CYP24A1: variants seen among roughly 807,000 people sequenced by gnomAD.
CYP24A1 encodes cytochrome P450 family 24 subfamily A member 1, also known as 1,25-dihydroxyvitamin D(3) 24-hydroxylase, mitochondrial.
CYP24A1 carries 68 observed loss-of-function variants against 62.4 expected under a neutral mutation model. The ratio of observed to expected loss-of-function variants is 1.09; its 90% CI spans 0.90 to 1.33. The LOEUF (loss-of-function observed/expected upper bound fraction) is 1.33. Ranked by LOEUF, CYP24A1 falls within the 40% of genes most tolerant of loss-of-function variation. The pLI is 0.00. For synonymous variants in CYP24A1, 267 were observed against 253.0 expected (o/e 1.06, Z -0.52); for missense variants, 787 against 653.0 (o/e 1.21, Z -2.24).
Position 54,172,949 on chromosome 20 carries a change from A to T in CYP24A1, c.409T>A (p.Tyr137Asn). ...QRLEIKPWKA[Y>N]RDYRKEGYGL... ...TAGCCTTCTTTGCGGTAGTCGCGAT[A>T]GGCCTTCCACGGTTTGATCTCCAGC... Residue 137 changes from tyrosine (Y) to asparagine (N), a missense_variant, in exon 2 of 12, where the codon TAT becomes AAT. By Grantham distance (143) the Tyr-to-Asn change is moderately radical (BLOSUM62 -2). Transcript: ENST00000216862. 1 of 1,613,674 alleles carries T rather than the reference A, an allele frequency of 6.2e-7. No homozygotes were observed. Among genetic ancestry groups the T allele is most frequent in the East Asian group, 2.2e-5 (1 of 44,872 alleles).
rs2092700664 is a variant in CYP24A1 at position 54,173,177 on chromosome 20, C to G, written c.259-78G>C. ...GAAGCGCTTTCCCTCCTCCCGCCTC[C>G]TTCCTCCTAGGGGACCGGGGACCCT... On this transcript the variant is annotated intron_variant, in intron 1 of 11. Transcript: ENST00000216862. This position sits in a 1 kb window ranked among gnomAD's most constrained non-coding sequence, Gnocchi z 7.2. 35 of 1,559,990 alleles carry G rather than the reference C, an allele frequency of 2.2e-5. 2 individuals are homozygous for G. The highest frequency in any genetic ancestry group is 3.8e-4 in the Middle Eastern group (2 of 5,226).
Position 54,173,657 on chromosome 20 carries a change from C to A in CYP24A1, c.-78G>T. ...GTTGGTACGAGGTGCTAGTGGGAGT[C>A]GGGGCTTAACGATTCTGGGAAAAGG... On this transcript the variant is annotated 5_prime_UTR_variant, in exon 1 of 12. Coordinates refer to ENST00000216862, the MANE Select transcript of CYP24A1 (RefSeq NM_000782.5). This position sits in a 1 kb window ranked among gnomAD's most constrained non-coding sequence, Gnocchi z 7.2. 1.1e-6 allele frequency: 1 copy of A among 945,310 alleles called. No homozygotes were observed. The highest frequency in any genetic ancestry group is 1.6e-6 in the Non-Finnish European group (1 of 626,338). The allele number at this position is 945,310 out of a possible 1,614,324, so 58.6% of individuals were successfully genotyped here.
chr20:54,170,438 T>C (rs1226316676), intron 3 of CYP24A1, among the ~76,000 whole-genome samples: 1 of 152,152 alleles, frequency 6.6e-6, no homozygotes, highest in Non-Finnish European at 1.5e-5. Context: ...CACACAGAGC[T>C]GATAAGTTGC....
At chr20:54,147,390 T>G in the CYP24A1 span, among the ~76,000 whole-genome samples, 41 of 152,168 alleles carry the variant, frequency 2.7e-4, no homozygotes, top group Non-Finnish European at 5.0e-4. Context: ...AAAATAGACG[T>G]TGAAAATGAG....
At chr20:54,144,326 T>A in the CYP24A1 span, among the ~76,000 whole-genome samples, 13,806 of 151,932 alleles carry the variant, frequency 0.091, 916 homozygotes, top group East Asian at 0.28. Context: ...CACAGCTCAC[T>A]GTAGCCTCAA....
rs2092620464 is a variant in CYP24A1 at position 54,154,670 on chromosome 20, T to C, written c.*102A>G. 1 of 155,058 alleles carries C rather than the reference T, an allele frequency of 6.4e-6. No individual in the cohort carries two copies. Among genetic ancestry groups the C allele is most frequent in the South Asian group, 2.1e-4 (1 of 4,828 alleles). 9.6% of individuals were successfully genotyped at this position (155,058 alleles called of 1,614,324 possible). On this transcript the variant is annotated 3_prime_UTR_variant, in exon 12 of 12. Transcript: ENST00000216862. The stretch of plus-strand genomic sequence containing the variant: ...GAAGATGGTGCTGACACAGGTGAAG[T>C]GTAAACCAGCAGTGAACCCTGTAGA...
chr20:54,161,197 C>G (rs1365459595), intron 7 of CYP24A1, among the ~76,000 whole-genome samples: 1 of 152,276 alleles, frequency 6.6e-6, no homozygotes, highest in Non-Finnish European at 1.5e-5. Flanking sequence ...ATCCCTCTTT[C>G]TGCCCCAGGG....
At chr20:54,146,131 A>G in the CYP24A1 span, among the ~76,000 whole-genome samples, 1 of 152,222 alleles carries the variant, frequency 6.6e-6, no homozygotes, top group Non-Finnish European at 1.5e-5. Context: ...TATAATGCCA[A>G]TCACACAGTC....
At position 54,157,155 on chromosome 20, in the gene CYP24A1, G is replaced by A. The variant is rs766327840; in HGVS notation, c.*10+14C>T. The stretch of plus-strand genomic sequence containing the variant: ...ACTACCTTGCAGAGGATAATGAACC[G>A]CCTAGATGCTCACCTGAGGCGTATT... On this transcript the variant is annotated intron_variant, in intron 11 of 11. Transcript: ENST00000216862. The A allele has an allele frequency of 2.0e-5, 25 of 1,250,874 alleles. No individual in the cohort carries two copies. The highest frequency in any genetic ancestry group is 7.4e-5 in the African/African-American group (5 of 67,406). 77.5% of individuals were successfully genotyped at this position (1,250,874 alleles called of 1,614,324 possible).
At position 54,173,080 on chromosome 20, in the gene CYP24A1, T is replaced by C; in HGVS notation, c.278A>G (p.Tyr93Cys). 1 of 1,604,272 alleles carries C rather than the reference T, an allele frequency of 6.2e-7. No homozygotes were observed. The highest frequency in any genetic ancestry group is 1.1e-5 in the South Asian group (1 of 91,086). ...HDTLVEYHKK[Y>C]GKIFRMKLGS... ...CAACTTCATGCGGAAAATCTTGCCATACTTCTTGTGGTACTCCACCTGCAG... is the reference window on the plus strand; with the variant it reads ...CAACTTCATGCGGAAAATCTTGCCACACTTCTTGTGGTACTCCACCTGCAG... The change falls in exon 2 of 12, where the codon TAT becomes TGT. Residue 93 changes from tyrosine (Y) to cysteine (C), a missense_variant. Coordinates refer to ENST00000216862, the MANE Select transcript of CYP24A1 (RefSeq NM_000782.5). This position sits in a 1 kb window ranked among gnomAD's most constrained non-coding sequence, Gnocchi z 7.2.
Position 54,173,561 on chromosome 20 carries a change from T to A in CYP24A1, c.19A>T (p.Lys7Ter), listed in dbSNP as rs1334954453. ...AGGAAGGCGGCAAGCGAGCGGCTCT[T>A]GCTGATGGGGGAGCTCATGGCAGCG... MSSPIS[K>*]SRSLAAFLQQ... The change falls in exon 1 of 12, where the codon AAG becomes TAG. Residue 7 changes from lysine to a stop codon, truncating the protein, a stop_gained. Coordinates refer to ENST00000216862, the MANE Select transcript of CYP24A1 (RefSeq NM_000782.5). LOFTEE classifies it high-confidence loss of function. The surrounding 1 kb of genome is among the most constrained non-coding windows in gnomAD (Gnocchi z 7.2). 2.5e-6 allele frequency: 4 copies of A among 1,581,312 alleles called. No individual in the cohort carries two copies. In the East Asian group the frequency reaches 9.1e-5, roughly 36 times the overall value.
At chr20:54,162,564 C>G in intron 7 of CYP24A1, 153 bp downstream of exon 7, 1 of 681,532 alleles carries the variant, frequency 1.5e-6, no homozygotes. Flanking sequence ...TGCGCGGAGG[C>G]ACCGTGGCAT....
At position 54,157,483 on chromosome 20, in the gene CYP24A1, T is replaced by C. The variant is rs776245104; in HGVS notation, c.1339A>G (p.Ile447Val). The change falls in exon 10 of 12, where the codon ATT (isoleucine) becomes GTT (valine). Residue 447 changes from isoleucine to valine, a missense_variant. Ile to Val is a conservative substitution (Grantham distance 29). Coordinates refer to ENST00000216862, the MANE Select transcript of CYP24A1 (RefSeq NM_000782.5). ...AATGGAAGATGCGCAAAAGGATTAA[T>C]TTTTTCCTTCTCCTGAAGCCAACGT... Reference protein sequence around the residue: ...PERWLQEKEKINPFAHLPFGV... With the variant: ...PERWLQEKEKVNPFAHLPFGV... 7 of 1,601,190 alleles carry C rather than the reference T, an allele frequency of 4.4e-6. No homozygotes were observed. The East Asian group carries it at 1.6e-4, about 36-fold the overall frequency.
Position 54,153,716 on chromosome 20 carries a change from A to G in CYP24A1, c.*1056T>C, listed in dbSNP as rs1229293981. On this transcript the variant is annotated 3_prime_UTR_variant, in exon 12 of 12. Coordinates refer to ENST00000216862, the MANE Select transcript of CYP24A1 (RefSeq NM_000782.5). The stretch of plus-strand genomic sequence containing the variant: ...AAAGCAGTAGTAAAAATATGCACAA[A>G]TAAACCATCTGTAAACACAATTTTT... The G allele has an allele frequency of 6.5e-6, 1 of 152,684 alleles. No individual in the cohort carries two copies. The highest frequency in any genetic ancestry group is 6.5e-5 in the Admixed American group (1 of 15,288). The allele number at this position is 152,684 out of a possible 1,614,324, so 9.5% of individuals were successfully genotyped here.
the CYP24A1 span, among the ~76,000 whole-genome samples, chr20:54,147,018 C>T: frequency 6.6e-6 from 1 of 152,184 alleles, no homozygotes; most frequent in South Asian, 2.1e-4. Context: ...CAGCTTTCTC[C>T]TGAATACTTG....
rs200955146 is a variant in CYP24A1 at position 54,157,470 on chromosome 20, G to A, written c.1352C>T (p.Ala451Val). ...LQEKEKINPF[A>V]HLPFGVGKRM... ...TTTTCCAACGCCAAATGGAAGATGCGCAAAAGGATTAATTTTTTCCTTCTC... is the reference window on the plus strand; with the variant it reads ...TTTTCCAACGCCAAATGGAAGATGCACAAAAGGATTAATTTTTTCCTTCTC... The change falls in exon 10 of 12, where the codon GCG becomes GTG. Residue 451 changes from alanine to valine, a missense_variant. Physicochemically the swap from Ala to Val is moderately conservative, Grantham distance 64. Coordinates refer to ENST00000216862, the MANE Select transcript of CYP24A1 (RefSeq NM_000782.5). The A allele has an allele frequency of 9.1e-5, 146 of 1,598,174 alleles. No homozygotes were observed. The highest frequency in any genetic ancestry group is 1.2e-4 in the Non-Finnish European group (139 of 1,165,558).
At position 54,165,782 on chromosome 20, in the gene CYP24A1, G is replaced by T; in HGVS notation, c.692C>A (p.Ala231Glu). Residue 231 changes from alanine (A) to glutamate (E), a missense_variant, in exon 5 of 12, where the codon GCA becomes GAA. Coordinates refer to ENST00000216862, the MANE Select transcript of CYP24A1 (RefSeq NM_000782.5). ...EKRFGLLQKN[A>E]GDEAVNFIMA... is the part of the protein sequence containing the mutation. ...GATGAAGTTCACAGCTTCATCCCCTGCATTCTTCTGGAGAAGCCCAAATCT... is the reference window on the plus strand; with the variant it reads ...GATGAAGTTCACAGCTTCATCCCCTTCATTCTTCTGGAGAAGCCCAAATCT... 6.5e-7 allele frequency: 1 copy of T among 1,544,542 alleles called. No individual in the cohort carries two copies. The highest frequency in any genetic ancestry group is 9.0e-7 in the Non-Finnish European group (1 of 1,116,292).
At chr20:54,144,067 C>G in the CYP24A1 span, among the ~76,000 whole-genome samples, 1 of 152,258 alleles carries the variant, frequency 6.6e-6, no homozygotes, top group African/African-American at 2.4e-5. Flanking sequence ...CAGGCCTGTG[C>G]CAGCGCTGGC....
At chr20:54,145,260 G>A in the CYP24A1 span, among the ~76,000 whole-genome samples, 2 of 149,652 alleles carry the variant, frequency 1.3e-5, no homozygotes, top group African/African-American at 2.5e-5. Flanking sequence ...GTCAGACTCA[G>A]CTTATTTTTC....
Sources: gnomAD v4.1 joint callset for allele counts (sites outside exome capture counted in the v4.1 genomes callset) on GRCh38, gnomAD v4.1.1 for gene constraint, Gnocchi (gnomAD v3.1) non-coding constraint, MANE v1.5 for transcripts, NCBI Gene and HGNC (gene_info 2026-07-23, HGNC 2026-07-21) for gene names.